The following FTO variants were observed in gnomAD, a reference collection of about 807,000 sequenced individuals.
The protein encoded by FTO is FTO alpha-ketoglutarate dependent dioxygenase.
FTO carries 47 observed loss-of-function variants against 63.9 expected under a neutral mutation model. That is an observed-to-expected ratio of 0.74 (90% CI 0.58 to 0.94). The LOEUF is 0.94. FTO is among the 40% of genes least tolerant of loss of function. The pLI is 0.00. For missense variants in FTO, 562 were observed against 618.1 expected (o/e 0.91, Z 0.96); for synonymous variants, 207 against 224.4 (o/e 0.92, Z 0.69).
At chr16:54,082,062 C>T (rs1192225415) in intron 8 of FTO, among the ~76,000 whole-genome samples, 1 of 152,196 alleles carries the variant, frequency 6.6e-6, no homozygotes, top group Admixed American at 6.5e-5. Context: ...CTCTGCCCCA[C>T]ACCCTGTTTA....
intron 8 of FTO, chr16:54,008,301 A>C (rs1294023698): frequency 6.6e-6 from 1 of 151,898 alleles, no homozygotes; most frequent in Non-Finnish European, 1.5e-5. Flanking sequence ...CTTCAATGTG[A>C]GTTTCCTGCT....
At chr16:53,972,992 G>GGATGAT (rs1198533859) in intron 8 of FTO, among the ~76,000 whole-genome samples, 2 of 152,120 alleles carry the variant, frequency 1.3e-5, no homozygotes, top group Admixed American at 1.3e-4. Context: ...TTCATCCCCA[G>GGATGAT]GTAGGAATTT....
intron 3 of FTO, among the ~76,000 whole-genome samples, chr16:53,830,880 A>T (rs1285746012): frequency 1.3e-5 from 2 of 152,198 alleles, no homozygotes; most frequent in African/African-American, 4.8e-5. Context: ...CGGGCGACAG[A>T]GTGAGATTCC....
intron 1 of FTO, among the ~76,000 whole-genome samples, chr16:53,720,562 A>G (rs1345911298): frequency 1.3e-5 from 2 of 149,732 alleles, no homozygotes; most frequent in South Asian, 2.1e-4. Context: ...TAGCATTTTA[A>G]TCATCTCAAA....
intron 8 of FTO, among the ~76,000 whole-genome samples, chr16:53,958,576 A>G (rs2082988846): frequency 1.3e-5 from 2 of 152,210 alleles, no homozygotes; most frequent in African/African-American, 4.8e-5. Flanking sequence ...CCTGTAAAAT[A>G]TCAAGTCAAA....
chr16:53,989,167 A>G (rs1463149005), intron 8 of FTO, among the ~76,000 whole-genome samples: 2 of 152,140 alleles, frequency 1.3e-5, no homozygotes, highest in African/African-American at 4.8e-5. Context: ...GCAAAGCTTC[A>G]TTTGACCTGG....
At chr16:53,810,947 G>T (rs893295799) in intron 2 of FTO, among the ~76,000 whole-genome samples, 2 of 152,144 alleles carry the variant, frequency 1.3e-5, no homozygotes, top group African/African-American at 4.8e-5. Context: ...TTTGGCATCT[G>T]GGATCTTAGA....
chr16:53,813,315 G>A (rs888777920), intron 2 of FTO, among the ~76,000 whole-genome samples: 2 of 151,772 alleles, frequency 1.3e-5, no homozygotes, highest in South Asian at 2.1e-4. Flanking sequence ...AGATTCAAGC[G>A]ATTCTCCTGC....
intron 8 of FTO, among the ~76,000 whole-genome samples, chr16:53,983,542 CT>C (rs369096446): frequency 5.7e-4 from 86 of 152,190 alleles, no homozygotes; most frequent in African/African-American, 2.0e-3. Context: ...TTCAGAAACC[CT>C]TTTCTCTCTG....
At chr16:53,795,449 T>G (rs13334018) in intron 1 of FTO, among the ~76,000 whole-genome samples, 2 of 149,660 alleles carry the variant, frequency 1.3e-5, no homozygotes, top group Non-Finnish European at 3.0e-5. Context: ...GCTAATACAT[T>G]TGTGTGTGTG....
chr16:53,905,562 G>A (rs1312699492), intron 7 of FTO, among the ~76,000 whole-genome samples: 1 of 152,076 alleles, frequency 6.6e-6, no homozygotes, highest in East Asian at 1.9e-4. Context: ...CTCATCTTAG[G>A]TTTGTGCATA....
chr16:54,086,909 G>A (rs2086265180), intron 8 of FTO, among the ~76,000 whole-genome samples: 1 of 152,358 alleles, frequency 6.6e-6, no homozygotes, highest in East Asian at 1.9e-4. Context: ...TCCCAAAGGA[G>A]TTCAGTGGGC....
chr16:53,802,992 C>A (rs928408681), intron 1 of FTO, among the ~76,000 whole-genome samples: 6 of 152,264 alleles, frequency 3.9e-5, no homozygotes, highest in African/African-American at 1.2e-4. Context: ...GTGTACTTGT[C>A]TACTCATTTC....
At chr16:54,028,859 G>C (rs1280071574) in intron 8 of FTO, among the ~76,000 whole-genome samples, 1 of 151,956 alleles carries the variant, frequency 6.6e-6, no homozygotes, top group African/African-American at 2.4e-5. Context: ...TCTCTACATT[G>C]TTATTAGTAT....
chr16:53,938,873 A>C (rs1037919936), intron 8 of FTO, among the ~76,000 whole-genome samples: 2 of 151,838 alleles, frequency 1.3e-5, no homozygotes, highest in African/African-American at 4.8e-5. Context: ...GCGGATCATG[A>C]GGTCAGGAGA....
chr16:53,989,017 A>C (rs2143883589), intron 8 of FTO, among the ~76,000 whole-genome samples: 1 of 152,152 alleles, frequency 6.6e-6, no homozygotes, highest in Middle Eastern at 3.4e-3. Flanking sequence ...TGCTCATGGT[A>C]CTCACAGTTC....
intron 4 of FTO, among the ~76,000 whole-genome samples, chr16:53,857,936 A>T (rs1567368078): frequency 6.6e-6 from 1 of 152,166 alleles, no homozygotes; most frequent in Non-Finnish European, 1.5e-5. Flanking sequence ...CCAGTTTTTA[A>T]CAATTATTTT....
At position 54,111,952 on chromosome 16, in the gene FTO, TCGGCTTTTCTCCTCCAA is replaced by T. The variant is rs767592910; in HGVS notation, c.*40_*56del. ...GTCTCAGGCGGAGGAGAAAAAGAGA[TCGGCTTTTCTCCTCCAA>T]CGTTGTCATGGGCTTAAGCAAGAGC... On this transcript the variant is annotated 3_prime_UTR_variant, in exon 9 of 9. Coordinates refer to ENST00000471389, the MANE Select transcript of FTO (RefSeq NM_001080432.3). 2.1e-5 allele frequency: 34 copies of T among 1,612,558 alleles called. No homozygotes were observed. The African/African-American group carries it at 4.4e-4, about 21-fold the overall frequency.
At chr16:53,973,422 G>A (rs1167327981) in intron 8 of FTO, among the ~76,000 whole-genome samples, 1 of 152,192 alleles carries the variant, frequency 6.6e-6, no homozygotes, top group Non-Finnish European at 1.5e-5. Context: ...GATTCATTTG[G>A]GGTGAAGTCA....
Sources: allele counts gnomAD v4.1 joint callset (sites outside exome capture counted in the v4.1 genomes callset), GRCh38; gene constraint gnomAD v4.1.1; transcripts MANE v1.5; gene names NCBI Gene and HGNC (gene_info 2026-07-23, HGNC 2026-07-21).